The following DAPP1 variants were observed in gnomAD, a reference collection of about 807,000 sequenced individuals.
DAPP1 encodes the protein dual adaptor of phosphotyrosine and 3-phosphoinositides 1.
A neutral mutation model predicts 41.5 loss-of-function variants in DAPP1; 20 were observed. That is an observed-to-expected ratio of 0.48 (90% CI 0.34 to 0.70). The LOEUF is 0.70. Ranked by LOEUF, DAPP1 falls within the 30% of genes least tolerant of loss-of-function variation. The pLI is 0.01. For missense variants in DAPP1, 233 were observed against 333.4 expected, an observed-to-expected ratio of 0.70 and a Z score of 2.35; for synonymous variants, 113 against 116.2, an observed-to-expected ratio of 0.97 and a Z score of 0.18.
intron 1 of DAPP1, among the ~76,000 whole-genome samples, chr4:99,822,373 T>C (rs750628236): frequency 6.6e-5 from 10 of 152,104 alleles, no homozygotes; most frequent in Non-Finnish European, 1.2e-4. Context: ...TTCATATGCA[T>C]GTAGAGTTAG....
At chr4:99,834,556 C>T (rs545757366) in intron 1 of DAPP1, among the ~76,000 whole-genome samples, 2 of 152,282 alleles carry the variant, frequency 1.3e-5, no homozygotes, top group South Asian at 4.1e-4. Context: ...TCGTTTCACT[C>T]ATGACAATAG....
intron 1 of DAPP1, among the ~76,000 whole-genome samples, chr4:99,822,676 C>A (rs1722812360): frequency 6.6e-6 from 1 of 152,174 alleles, no homozygotes; most frequent in Admixed American, 6.5e-5. Context: ...TGGTTCTGGT[C>A]TCTACCTCTA....
Position 99,835,709 on chromosome 4 carries a change from G to A in DAPP1, c.188G>A (p.Ser63Asn). 3 of 1,613,764 alleles carry A rather than the reference G, an allele frequency of 1.9e-6. No homozygotes were observed. The highest frequency in any genetic ancestry group is 1.3e-5 in the African/African-American group (1 of 75,012). Residue 63 changes from serine (S) to asparagine (N), a missense_variant, in exon 2 of 9, where the codon AGC becomes AAC. By Grantham distance (46) the Ser-to-Asn change is conservative. Coordinates refer to ENST00000512369, the MANE Select transcript of DAPP1 (RefSeq NM_014395.3). ...GCDGSYLLRDSNETTGLYSLS... is the reference protein window; with the variant it reads ...GCDGSYLLRDNNETTGLYSLS... The stretch of plus-strand genomic sequence containing the variant: ...GACGGCAGCTACCTTCTGAGGGACA[G>A]CAATGAGACCACCGGGCTGTACTCT...
chr4:99,836,214 TTCA>T, intron 2 of DAPP1, among the ~76,000 whole-genome samples: 1 of 152,308 alleles, frequency 6.6e-6, no homozygotes, highest in Middle Eastern at 3.4e-3. Flanking sequence ...GGGCTAGCTT[TTCA>T]TATTGAGTCT....
At chr4:99,871,700 GAGAA>G (rs1361394722), downstream of DAPP1, among the ~76,000 whole-genome samples, 1 of 152,180 alleles carries the variant, frequency 6.6e-6, no homozygotes, top group Non-Finnish European at 1.5e-5. Context: ...CAGCCTTCTT[GAGAA>G]AGAATTCACC....
chr4:99,860,061 T>C lies in DAPP1; in HGVS notation c.490-1517T>C, dbSNP rs190000982. ...GGATGGCAGGAAGGACAGTCCTTTG[T>C]TTTTGAACATTTAGATGGTACCCCA... On this transcript the variant is annotated intron_variant, in intron 4 of 8. Transcript: ENST00000512369. Among the ~76,000 whole-genome samples, 774 of 152,362 alleles carry C rather than the reference T, an allele frequency of 5.1e-3. 34 individuals are homozygous for C. The highest frequency in any genetic ancestry group is 0.048 in the Admixed American group (728 of 15,308).
chr4:99,861,520 A>G, intron 4 of DAPP1, 58 bp from the exon 5 acceptor site: 1 of 1,494,394 alleles, frequency 6.7e-7, no homozygotes, highest in Non-Finnish European at 9.1e-7. Context: ...ACATGAAAGG[A>G]AGGACAAACG....
chr4:99,822,236 G>A (rs116161650), intron 1 of DAPP1, among the ~76,000 whole-genome samples: 1,706 of 152,292 alleles, frequency 0.011, 41 homozygotes, highest in African/African-American at 0.038. Context: ...ATGTTGTGGG[G>A]AGTCACTTTG....
chr4:99,835,444 G>A (rs1433443529), intron 1 of DAPP1, among the ~76,000 whole-genome samples, 179 bp from the exon 2 acceptor site: 2 of 152,150 alleles, frequency 1.3e-5, no homozygotes, highest in African/African-American at 4.8e-5. Context: ...AGTCAACTCT[G>A]TGCTCTCCTT....
intron 4 of DAPP1, among the ~76,000 whole-genome samples, chr4:99,857,489 T>C (rs1210364021): frequency 6.6e-6 from 1 of 152,176 alleles, no homozygotes; most frequent in Non-Finnish European, 1.5e-5. Flanking sequence ...AACAACTCCC[T>C]CCTTCTAAAA....
intron 1 of DAPP1, among the ~76,000 whole-genome samples, chr4:99,826,132 A>C (rs1463330706): frequency 6.6e-6 from 1 of 152,188 alleles, no homozygotes; most frequent in Non-Finnish European, 1.5e-5. Context: ...TTGTTCTATC[A>C]CTGTTGTGTT....
At chr4:99,863,962 T>A in intron 7 of DAPP1, 107 bp downstream of exon 7, 1 of 720,244 alleles carries the variant, frequency 1.4e-6, no homozygotes, top group Non-Finnish European at 2.3e-6. Context: ...AGATCAGATA[T>A]GAGGGGCATG....
chr4:99,835,777 A>G (rs1309873661), intron 2 of DAPP1, 32 bp downstream of exon 2: 1 of 1,608,152 alleles, frequency 6.2e-7, no homozygotes, highest in Non-Finnish European at 8.5e-7. Flanking sequence ...CGACTTCAGC[A>G]TGGGCTCCTC....
intron 2 of DAPP1, among the ~76,000 whole-genome samples, chr4:99,838,085 T>C (rs770077782): frequency 1.3e-5 from 2 of 152,172 alleles, no homozygotes; most frequent in Non-Finnish European, 2.9e-5. Context: ...CTCGTTTTCT[T>C]GCTACGTGGC....
chr4:99,860,257 C>T (rs555610467), intron 4 of DAPP1, among the ~76,000 whole-genome samples: 84 of 152,352 alleles, frequency 5.5e-4, no homozygotes, highest in African/African-American at 2.0e-3. Flanking sequence ...AAGAATACTA[C>T]ACTTATAGTA....
intron 1 of DAPP1, among the ~76,000 whole-genome samples, chr4:99,829,885 T>G (rs1055798594): frequency 1.3e-5 from 2 of 152,122 alleles, no homozygotes; most frequent in African/African-American, 4.8e-5. Context: ...TACAAATACG[T>G]TATTTTCTCT....
intron 2 of DAPP1, among the ~76,000 whole-genome samples, chr4:99,839,417 T>C (rs988252208): frequency 6.7e-6 from 1 of 149,002 alleles, no homozygotes; most frequent in Non-Finnish European, 1.5e-5. Flanking sequence ...GATATATATA[T>C]AGATATATAT....
At chr4:99,843,183 A>G (rs898738238) in intron 3 of DAPP1, among the ~76,000 whole-genome samples, 1 of 152,184 alleles carries the variant, frequency 6.6e-6, no homozygotes, top group African/African-American at 2.4e-5. Flanking sequence ...CTTTCTTATA[A>G]TACATTTATC....
At chr4:99,860,383 A>C (rs1724197129) in intron 4 of DAPP1, among the ~76,000 whole-genome samples, 1 of 152,212 alleles carries the variant, frequency 6.6e-6, no homozygotes, top group Non-Finnish European at 1.5e-5. Flanking sequence ...TACAGATTTT[A>C]ACCTGCAACA....
Sources: gnomAD v4.1 joint callset for allele counts (sites outside exome capture counted in the v4.1 genomes callset) on GRCh38, gnomAD v4.1.1 for gene constraint, MANE v1.5 for transcripts, NCBI Gene and HGNC (gene_info 2026-07-23, HGNC 2026-07-21) for gene names.